NRCAM: variants seen among roughly 807,000 people sequenced by gnomAD.
NRCAM encodes neuronal cell adhesion molecule, also known as NgCAM-related cell adhesion molecule.
A neutral mutation model predicts 156.5 loss-of-function variants in NRCAM; 83 were observed. That is an observed-to-expected ratio of 0.53 (90% CI 0.44 to 0.64). The LOEUF is 0.64. Among genes scored for constraint, NRCAM ranks in the 30% least tolerant of loss-of-function variants. The pLI is 0.00. For synonymous variants in NRCAM, 538 were observed against 563.9 expected (o/e 0.95, Z 0.65); for missense variants, 1,417 against 1,597.3 (o/e 0.89, Z 1.92).
At chr7:108,302,384 T>C (rs562814497) in intron 3 of NRCAM, among the ~76,000 whole-genome samples, 2 of 152,298 alleles carry the variant, frequency 1.3e-5, no homozygotes, top group East Asian at 1.9e-4. Context: ...TCTACTTGCA[T>C]GGAGTCCCCG....
chr7:108,189,425 A>G (rs1052612851), intron 20 of NRCAM, among the ~76,000 whole-genome samples: 1 of 152,214 alleles, frequency 6.6e-6, no homozygotes, highest in Non-Finnish European at 1.5e-5. Flanking sequence ...TGATTAGTCA[A>G]CATCTTCAGC....
intron 2 of NRCAM, among the ~76,000 whole-genome samples, chr7:108,363,527 T>C (rs1337571490): frequency 6.6e-6 from 1 of 152,116 alleles, no homozygotes; most frequent in East Asian, 1.9e-4. Context: ...GGATTATAGG[T>C]GTGAGCCACT....
intron 3 of NRCAM, among the ~76,000 whole-genome samples, chr7:108,253,333 G>T (rs180761095): frequency 8.5e-5 from 13 of 152,298 alleles, no homozygotes; most frequent in Admixed American, 8.5e-4. Context: ...CAGAAAGTAA[G>T]ATGTATCCAA....
At chr7:108,401,081 G>C (rs1414054946) in intron 1 of NRCAM, among the ~76,000 whole-genome samples, 2 of 151,700 alleles carry the variant, frequency 1.3e-5, no homozygotes, top group East Asian at 3.9e-4. Context: ...TCAACATGGT[G>C]AAACCCCGTC....
intron 13 of NRCAM, among the ~76,000 whole-genome samples, chr7:108,200,401 C>T (rs528675276): frequency 3.0e-4 from 45 of 152,230 alleles, no homozygotes; most frequent in Middle Eastern, 3.4e-3. Flanking sequence ...TACCTTAGGG[C>T]AGCCATGGAC....
chr7:108,365,877 TA>T (rs1401046054), intron 2 of NRCAM, among the ~76,000 whole-genome samples: 1 of 152,270 alleles, frequency 6.6e-6, no homozygotes, highest in African/African-American at 2.4e-5. Flanking sequence ...AAGTAACATG[TA>T]AAGGCTTTAG....
At chr7:108,305,607 T>C (rs2098704180) in intron 3 of NRCAM, among the ~76,000 whole-genome samples, 1 of 152,178 alleles carries the variant, frequency 6.6e-6, no homozygotes, top group Non-Finnish European at 1.5e-5. Context: ...GTTCCTCCTA[T>C]GGCCTTTCCT....
rs144286716 is a variant in NRCAM at position 108,191,776 on chromosome 7, T to C, written c.1856A>G (p.Asn619Ser). 5.7e-4 allele frequency: 923 copies of C among 1,614,056 alleles called. 1 individual carries two copies. The highest frequency in any genetic ancestry group is 7.5e-4 in the Non-Finnish European group (887 of 1,180,008). Reference sequence around the variant, plus strand: ...GGCGGAGACGCTGTCCAGAGTGGTGTTGGCCACACACGTGTAGGTCCCGCT... The same window carrying C: ...GGCGGAGACGCTGTCCAGAGTGGTGCTGGCCACACACGTGTAGGTCCCGCT... ...DDSGTYTCVA[N>S]TTLDSVSASA... Residue 619 changes from asparagine to serine, a missense_variant, in exon 18 of 33, where the codon AAC (asparagine) becomes AGC (serine). Around this residue, in one of 2 missense-constraint regions of NRCAM, gnomAD observed 1,238 missense variants for 1,336.4 expected, o/e 0.93. Transcript: ENST00000379028.
intron 2 of NRCAM, among the ~76,000 whole-genome samples, chr7:108,397,390 CTATTGTAAG>C (rs1290632329): frequency 2.0e-5 from 3 of 152,068 alleles, no homozygotes; most frequent in African/African-American, 7.2e-5. Context: ...CAAAATAGTA[CTATTGTAAG>C]TATTATTTGA....
At chr7:108,385,955 A>G (rs924754061) in intron 2 of NRCAM, among the ~76,000 whole-genome samples, 5 of 152,026 alleles carry the variant, frequency 3.3e-5, no homozygotes, top group African/African-American at 9.7e-5. Flanking sequence ...GAATATGAAT[A>G]TCAATGCGAG....
chr7:108,153,242 A>T (rs763820910), intron 32 of NRCAM, among the ~76,000 whole-genome samples: 1 of 152,194 alleles, frequency 6.6e-6, no homozygotes, highest in African/African-American at 2.4e-5. Flanking sequence ...GAAAAAGATA[A>T]TATTTCATAT....
rs181328862 is a variant in NRCAM, at chr7:108,306,256, T to A, written c.-107+6409A>T. On this transcript the variant is annotated intron_variant, in intron 3 of 32. Coordinates refer to ENST00000379028, the MANE Select transcript of NRCAM (RefSeq NM_001037132.4). ...CAAGATTTAAGAGCAATAAATATTG[T>A]AGACTTTACCACTTCTTTATATAAT... is the stretch of plus-strand genomic sequence containing the variant. Among the ~76,000 whole-genome samples, 227 of 152,372 alleles carry A rather than the reference T, an allele frequency of 1.5e-3. 1 individual carries two copies. The highest frequency in any genetic ancestry group is 5.2e-3 in the South Asian group (25 of 4,828).
Position 108,412,601 on chromosome 7 carries a change from G to A in NRCAM, c.-331-13008C>T, listed in dbSNP as rs117629009. Among the ~76,000 whole-genome samples the A allele has an allele frequency of 2.4e-3, 363 of 152,164 alleles. 13 individuals carry two copies. In the East Asian group the frequency reaches 0.053, roughly 22 times the overall value. ...TTAGCACTTTTCAAGAATACAATAT[G>A]TTAATAACTATAGTCATCATGTTTT... On this transcript the variant is annotated intron_variant, in intron 1 of 32. Coordinates refer to ENST00000379028, the MANE Select transcript of NRCAM (RefSeq NM_001037132.4).
At chr7:108,229,948 C>T (rs1302325120) in intron 8 of NRCAM, among the ~76,000 whole-genome samples, 2 of 152,114 alleles carry the variant, frequency 1.3e-5, no homozygotes, top group Non-Finnish European at 2.9e-5. Context: ...GTTTCCTCAT[C>T]TGGAAAGTGG....
At chr7:108,350,444 G>A (rs1029703955) in intron 2 of NRCAM, among the ~76,000 whole-genome samples, 1 of 152,228 alleles carries the variant, frequency 6.6e-6, no homozygotes, top group Admixed American at 6.5e-5. Flanking sequence ...CACATTGGCT[G>A]AGTTGATGTC....
intron 4 of NRCAM, among the ~76,000 whole-genome samples, chr7:108,238,198 C>T (rs1281590553): frequency 6.6e-6 from 1 of 152,300 alleles, no homozygotes; most frequent in East Asian, 1.9e-4. Flanking sequence ...GGTAATAATA[C>T]CTAACAATGG....
At chr7:108,340,303 G>C (rs949177629) in intron 2 of NRCAM, among the ~76,000 whole-genome samples, 3 of 152,170 alleles carry the variant, frequency 2.0e-5, no homozygotes, top group African/African-American at 7.2e-5. Flanking sequence ...CAGCCAGAGT[G>C]CATGTACCTT....
At chr7:108,411,141 T>C (rs1225556346) in intron 1 of NRCAM, among the ~76,000 whole-genome samples, 1 of 152,222 alleles carries the variant, frequency 6.6e-6, no homozygotes, top group Admixed American at 6.5e-5. Flanking sequence ...TTCATAAAAA[T>C]AATTCCTCAT....
At chr7:108,419,938 A>G (rs542950412) in intron 1 of NRCAM, among the ~76,000 whole-genome samples, 2 of 152,164 alleles carry the variant, frequency 1.3e-5, no homozygotes, top group African/African-American at 4.8e-5. Flanking sequence ...AATACACTTC[A>G]CTTGGTTTTC....
Sources: gnomAD v4.1 joint callset for allele counts (sites outside exome capture counted in the v4.1 genomes callset) on GRCh38, gnomAD v4.1.1 for gene constraint, gnomAD v4.1.1 regional missense constraint, MANE v1.5 for transcripts, NCBI Gene and HGNC (gene_info 2026-07-23, HGNC 2026-07-21) for gene names.